Variants in TTN observed in about 807,000 individuals in gnomAD.
The protein encoded by TTN is connectin.
TTN carries 1,525 observed loss-of-function variants against 3,223.0 expected under a neutral mutation model. The observed-to-expected ratio is 0.47, with a 90% CI of 0.45 to 0.49. TTN has a LOEUF of 0.49. Among genes scored for constraint, TTN ranks in the 20% least tolerant of loss-of-function variants. The pLI is 0.00. For synonymous variants in TTN, 14,094 were observed against 15,161.0 expected, an observed-to-expected ratio of 0.93 and a Z score of 5.17; for missense variants, 40,786 against 43,424.0, an observed-to-expected ratio of 0.94 and a Z score of 5.40.
rs72677250 is a variant in TTN, at chr2:178,611,417, C to G, written c.50812G>C (p.Glu16938Gln). 26 of 1,612,744 alleles carry G rather than the reference C, an allele frequency of 1.6e-5. No individual in the cohort carries two copies. The highest frequency in any genetic ancestry group is 2.1e-5 in the Non-Finnish European group (25 of 1,179,300). The change falls in exon 269 of 363, where the codon GAG (glutamate) becomes CAG (glutamine). Residue 16938 changes from glutamate (E) to glutamine (Q), a missense_variant. Glu to Gln is a conservative substitution (Grantham distance 29). Coordinates refer to ENST00000589042, the MANE Select transcript of TTN (RefSeq NM_001267550.2). Reference protein sequence around the residue: ...VRAVNAIGVSEPSEISENVVA... With the variant: ...VRAVNAIGVSQPSEISENVVA... ...ACATTTTCAGAGATTTCAGATGGCT[C>G]GCTGACACCAATAGCATTGACTGCT...
At position 178,760,314 on chromosome 2, in the gene TTN, G is replaced by A. The variant is rs191478519; in HGVS notation, c.10115-1142C>T. 4.6e-5 allele frequency among the ~76,000 whole-genome samples: 7 copies of A among 152,180 alleles called. No individual in the cohort carries two copies. The East Asian group carries it at 7.7e-4, about 17-fold the overall frequency. On this transcript the variant is annotated intron_variant, in intron 43 of 362. Coordinates refer to ENST00000589042, the MANE Select transcript of TTN (RefSeq NM_001267550.2). ...TGGGAGGCTGAGGCGGGCAGATCAC[G>A]AGGTCAGGAGTTCGAGAACAGCCTG... is the stretch of plus-strand genomic sequence containing the variant.
At position 178,707,817 on chromosome 2, in the gene TTN, G is replaced by A. The variant is rs866506312; in HGVS notation, c.28754-4C>T. On this transcript the variant is annotated splice_polypyrimidine_tract_variant and splice_region_variant and intron_variant, in intron 99 of 362. Coordinates refer to ENST00000589042, the MANE Select transcript of TTN (RefSeq NM_001267550.2). ...AATACAGGTGGCTTCTTAGGTTCTGGAATTGAAAAGGTATTTTCATGAGGA... is the reference window on the plus strand; with the variant it reads ...AATACAGGTGGCTTCTTAGGTTCTGAAATTGAAAAGGTATTTTCATGAGGA... The A allele has an allele frequency of 1.9e-6, 3 of 1,571,544 alleles. No homozygotes were observed. Among genetic ancestry groups the A allele is most frequent in the Non-Finnish European group, 2.6e-6 (3 of 1,156,696 alleles).
In TTN at chr2:178,663,644, TCAGGCTCTTTAGGAGGAGCCA is replaced by T. The variant is rs1482046165; in HGVS notation, c.36494_36514del (p.Val12165_Pro12171del). On this transcript the variant is annotated inframe_deletion, in exon 171 of 363. Coordinates refer to ENST00000589042, the MANE Select transcript of TTN (RefSeq NM_001267550.2). ...ACAAATACCTTTAACAGGTGGGACTTCAGGCTCTTTAGGAGGAGCCACTGGCGCTTTCTTTTCAGGAACTAC... is the reference window on the plus strand; with the variant it reads ...ACAAATACCTTTAACAGGTGGGACTTCTGGCGCTTTCTTTTCAGGAACTAC... 1.1e-5 allele frequency: 17 copies of T among 1,613,776 alleles called. No individual in the cohort carries two copies. Among genetic ancestry groups the T allele is most frequent in the East Asian group, 6.7e-5 (3 of 44,872 alleles).
At chr2:178,792,311 G>A in intron 9 of TTN, 114 bp from the exon 10 acceptor site, 4 of 1,006,710 alleles carry the variant, frequency 4.0e-6, no homozygotes, top group Non-Finnish European at 5.7e-6. Flanking sequence ...CTTTTCTGCA[G>A]ATGTCACTAA....
intron 33 of TTN, 176 bp downstream of exon 33, chr2:178,772,933 A>G (rs2091741378): frequency 1.3e-6 from 1 of 754,522 alleles, no homozygotes; most frequent in Admixed American, 2.8e-5. Flanking sequence ...TAGGCCTAGA[A>G]GAACATTTGT....
intron 10 of TTN, 77 bp downstream of exon 10, chr2:178,791,995 T>C: frequency 6.6e-7 from 1 of 1,515,316 alleles, no homozygotes; most frequent in South Asian, 1.2e-5. Flanking sequence ...TTAAGGGTTT[T>C]GACTATAAGC....
At chr2:178,623,698 G>T (rs976148476) in intron 242 of TTN, among the ~76,000 whole-genome samples, 6 of 152,026 alleles carry the variant, frequency 3.9e-5, no homozygotes, top group Admixed American at 1.3e-4. Context: ...TCACTAGGTT[G>T]TAGCTGTTGA....
chr2:178,546,366 C>T lies in TTN; in HGVS notation c.94965G>A (p.Glu31655=). Residue 31655 remains glutamate (E), a synonymous_variant, in exon 342 of 363, where the codon GAG becomes GAA. Transcript: ENST00000589042. ...AAGAGACTTTTTCACAGAGATCTAGCTCCTTGTCTCCTTTGGTCCAGATAA... is the reference window on the plus strand; with the variant it reads ...AAGAGACTTTTTCACAGAGATCTAGTTCCTTGTCTCCTTTGGTCCAGATAA... ...PKIIWTKGDK[E]LDLCEKVSLQ... is the part of the protein sequence containing the mutation. 3.1e-6 allele frequency: 5 copies of T among 1,613,778 alleles called. No homozygotes were observed. The highest frequency in any genetic ancestry group is 4.2e-6 in the Non-Finnish European group (5 of 1,179,762).
rs760356517 is a variant in TTN, at chr2:178,635,116, G to A, written c.42024+49C>T. 3 of 1,601,768 alleles carry A rather than the reference G, an allele frequency of 1.9e-6. No homozygotes were observed. The Admixed American group carries it at 5.2e-5, about 28-fold the overall frequency. On this transcript the variant is annotated intron_variant, in intron 228 of 362. Transcript: ENST00000589042. The stretch of plus-strand genomic sequence containing the variant: ...TCTAGGATATAGATCCTGAATATTG[G>A]ATGTGGTTATTTTATATGACTAACA...
Position 178,533,158 on chromosome 2 carries a change from A to G in TTN, c.103457T>C (p.Ile34486Thr), listed in dbSNP as rs2154134918. 2 of 1,613,976 alleles carry G rather than the reference A, an allele frequency of 1.2e-6. No homozygotes were observed. Among genetic ancestry groups the G allele is most frequent in the Non-Finnish European group, 1.7e-6 (2 of 1,179,858 alleles). Reference protein sequence around the residue: ...QIDKTLRMAEILSGTESVPLT... With the variant: ...QIDKTLRMAETLSGTESVPLT... ...TGGTACACTTTCAGTTCCAGAAAGA[A>G]TTTCAGCCATTCTGAGGGTTTTGTC... The change falls in exon 358 of 363, where the codon ATT becomes ACT. Residue 34486 changes from isoleucine to threonine, a missense_variant. Coordinates refer to ENST00000589042, the MANE Select transcript of TTN (RefSeq NM_001267550.2).
At position 178,534,321 on chromosome 2, in the gene TTN, G is replaced by A; in HGVS notation, c.102294C>T (p.Ile34098=). ...LKHRRYYHTL[I]KKDLNMVVSA... is the part of the protein sequence containing the mutation. ...ACACAACCATGTTGAGGTCTTTCTT[G>A]ATCAGGGTGTGGTAATAACGCCGGT... Residue 34098 remains isoleucine (I), a synonymous_variant, in exon 358 of 363, where the codon ATC becomes ATT. Coordinates refer to ENST00000589042, the MANE Select transcript of TTN (RefSeq NM_001267550.2). 6.2e-7 allele frequency: 1 copy of A among 1,613,458 alleles called. No individual in the cohort carries two copies. The highest frequency in any genetic ancestry group is 1.6e-4 in the Middle Eastern group (1 of 6,062).
chr2:178,788,859 T>C lies in TTN; in HGVS notation c.2076+501A>G, dbSNP rs986474267. Among the ~76,000 whole-genome samples the C allele has an allele frequency of 3.3e-5, 5 of 152,190 alleles. No homozygotes were observed. The East Asian group carries it at 9.6e-4, about 29-fold the overall frequency. ...TGCATTATAATTTTTTCAGCTTATC[T>C]TCTCCTCTGATATTTACAGGAGGGA... On this transcript the variant is annotated intron_variant, in intron 13 of 362. Transcript: ENST00000589042.
At position 178,652,656 on chromosome 2, in the gene TTN, T is replaced by G; in HGVS notation, c.39040A>C (p.Lys13014Gln). ...GCTTAAACTCAATGACAAATACCTT[T>G]AACAGGTGGGACTTCAGGCTTTTTA... ...PPKKPEVPPV[K>Q]VPEAPKEVVP... The change falls in exon 201 of 363, where the codon AAA becomes CAA. Residue 13014 changes from lysine to glutamine, a missense_variant. Lys to Gln is a moderately conservative substitution (Grantham distance 53). Transcript: ENST00000589042. The G allele has an allele frequency of 3.1e-6, 5 of 1,613,384 alleles. No individual in the cohort carries two copies. The highest frequency in any genetic ancestry group is 4.2e-6 in the Non-Finnish European group (5 of 1,179,574).
At position 178,546,938 on chromosome 2, in the gene TTN, A is replaced by G. The variant is rs2288327; in HGVS notation, c.94523-33T>C. ...GGATGCAAAAATAAGGTTAAAATAT[A>G]CCACTCTGAGTTCTACTAGAATCAG... On this transcript the variant is annotated intron_variant, in intron 340 of 362. Coordinates refer to ENST00000589042, the MANE Select transcript of TTN (RefSeq NM_001267550.2). 0.19 allele frequency: 300,042 copies of G among 1,573,640 alleles called. 34,753 individuals carry two copies. The highest frequency in any genetic ancestry group is 0.62 in the East Asian group (27,381 of 44,390).
At chr2:178,602,859 C>CA (rs1335708429) in intron 282 of TTN, among the ~76,000 whole-genome samples, 1 of 151,948 alleles carries the variant, frequency 6.6e-6, no homozygotes, top group African/African-American at 2.4e-5. Context: ...TCTATTTATA[C>CA]ATGATTGGTA....
At position 178,739,740 on chromosome 2, in the gene TTN, C is replaced by A; in HGVS notation, c.13493G>T (p.Gly4498Val). Residue 4498 changes from glycine to valine, a missense_variant, in exon 48 of 363, where the codon GGA becomes GTA. Gly to Val is a moderately radical substitution (Grantham distance 109, BLOSUM62 -3). Transcript: ENST00000589042. ...TTCTTCTTGCAAACTTGTTTTGGCT[C>A]CTTGCTGAATTCTAGGACCCTCAGC... ...LTAEGPRIQQ[G>V]AKTSLQEEMD... The A allele has an allele frequency of 6.2e-7, 1 of 1,613,866 alleles. No individual in the cohort carries two copies. Among genetic ancestry groups the A allele is most frequent in the South Asian group, 1.1e-5 (1 of 91,068 alleles).
At chr2:178,805,828 T>C (rs1284883480) in intron 1 of TTN, among the ~76,000 whole-genome samples, 1 of 152,196 alleles carries the variant, frequency 6.6e-6, no homozygotes, top group Non-Finnish European at 1.5e-5. Context: ...TATGCTTTCA[T>C]AAAGTAAAAT....
chr2:178,604,910 T>G lies in TTN; in HGVS notation c.54191-12A>C. 1.2e-6 allele frequency: 2 copies of G among 1,608,030 alleles called. No homozygotes were observed. Among genetic ancestry groups the G allele is most frequent in the Non-Finnish European group, 1.7e-6 (2 of 1,176,724 alleles). On this transcript the variant is annotated splice_polypyrimidine_tract_variant and intron_variant, in intron 280 of 362. Transcript: ENST00000589042. ...TGGGGATGGGCGGTCTGGAAAGGAA[T>G]CAACAGAGAATATTGAGAAGGCAAT... is the stretch of plus-strand genomic sequence containing the variant.
chr2:178,799,435 A>G (rs1214351496), intron 6 of TTN, 52 bp downstream of exon 6: 2 of 1,612,816 alleles, frequency 1.2e-6, no homozygotes, highest in Admixed American at 3.3e-5. Flanking sequence ...TTCTCGTTTC[A>G]AAACCTAGTT....
Sources: allele counts gnomAD v4.1 joint callset (sites outside exome capture counted in the v4.1 genomes callset), GRCh38; gene constraint gnomAD v4.1.1; transcripts MANE v1.5; gene names NCBI Gene and HGNC (gene_info 2026-07-23, HGNC 2026-07-21).